The following TBL2 variants were observed in gnomAD, a reference collection of about 807,000 sequenced individuals.
The protein encoded by TBL2 is transducin beta like 2.
In TBL2, 33 loss-of-function variants were observed where a neutral mutation model predicts 41.8. That is an observed-to-expected ratio of 0.79 (90% CI 0.60 to 1.06). TBL2 has a LOEUF of 1.06. Ranked by LOEUF, TBL2 falls within the 50% of genes least tolerant of loss-of-function variation. TBL2 has a pLI of 0.00. For synonymous variants in TBL2, 239 were observed against 241.7 expected, an observed-to-expected ratio of 0.99 and a Z score of 0.10; for missense variants, 522 against 603.8, an observed-to-expected ratio of 0.86 and a Z score of 1.42.
chr7:73,574,723 C>T, intron 1 of TBL2: 1 of 648,408 alleles, frequency 1.5e-6, no homozygotes, highest in South Asian at 1.8e-5. Context: ...TGCTTTGGAT[C>T]ATTTGAGCCC....
chr7:73,573,267 C>T, intron 4 of TBL2, 53 bp downstream of exon 4: 1 of 1,602,912 alleles, frequency 6.2e-7, no homozygotes, highest in Non-Finnish European at 8.5e-7. Context: ...GGAAATAGAA[C>T]TGGATCTTTC....
At position 73,567,874 on chromosome 7, in the gene TBL2, A is replaced by C. The variant is rs1792710451; in HGVS notation, c.*2633T>G. On this transcript the variant is annotated 3_prime_UTR_variant, in exon 7 of 7. Transcript: ENST00000305632. ...CAAGCTCAGAGAGGTCAACGGACCTACTATCTGCTCTCCAGCTGGAACTGG... is the reference window on the plus strand; with the variant it reads ...CAAGCTCAGAGAGGTCAACGGACCTCCTATCTGCTCTCCAGCTGGAACTGG... Among the ~76,000 whole-genome samples the C allele has an allele frequency of 2.6e-5, 4 of 152,166 alleles. No homozygotes were observed. Among genetic ancestry groups the C allele is most frequent in the Admixed American group, 2.6e-4 (4 of 15,260 alleles).
chr7:73,573,902 C>T (rs1793126613), intron 3 of TBL2, 36 bp downstream of exon 3: 1 of 1,606,582 alleles, frequency 6.2e-7, no homozygotes, highest in Admixed American at 1.7e-5. Flanking sequence ...GGGACTAGGC[C>T]TCTGCAGGCA....
rs954128876 is a variant in TBL2, at chr7:73,567,597, A to G, written c.*2910T>C. 4.6e-5 allele frequency among the ~76,000 whole-genome samples: 7 copies of G among 152,184 alleles called. No homozygotes were observed. The highest frequency in any genetic ancestry group is 8.8e-5 in the Non-Finnish European group (6 of 68,034). On this transcript the variant is annotated 3_prime_UTR_variant, in exon 7 of 7. Transcript: ENST00000305632. ...TTTCACACCCACAGATGTTGAAATT[A>G]TAATATTAAGATACAATTACTGCCT...
chr7:73,576,099 A>G (rs1209918502), intron 1 of TBL2, among the ~76,000 whole-genome samples: 1 of 151,280 alleles, frequency 6.6e-6, no homozygotes, highest in Non-Finnish European at 1.5e-5. Context: ...CTACAAAGTG[A>G]CAAGCAAAAG....
At chr7:73,574,731 C>A in intron 1 of TBL2, 1 of 635,044 alleles carries the variant, frequency 1.6e-6, no homozygotes. Flanking sequence ...ATCATTTGAG[C>A]CCAGGAGTTC....
chr7:73,568,093 T>C lies in TBL2; in HGVS notation c.*2414A>G, dbSNP rs1792717293. 6.6e-6 allele frequency among the ~76,000 whole-genome samples: 1 copy of C among 152,174 alleles called. No individual in the cohort carries two copies. Among genetic ancestry groups the C allele is most frequent in the Admixed American group, 6.6e-5 (1 of 15,258 alleles). The stretch of plus-strand genomic sequence containing the variant: ...CACAGCATTGCCAAAAGTCTGTGGT[T>C]AGGAACATACAAAACCACAATGGAG... On this transcript the variant is annotated 3_prime_UTR_variant, in exon 7 of 7. Coordinates refer to ENST00000305632, the MANE Select transcript of TBL2 (RefSeq NM_012453.4).
chr7:73,577,264 C>CAAAA (rs34760825), intron 1 of TBL2, among the ~76,000 whole-genome samples: 5 of 98,116 alleles, frequency 5.1e-5, no homozygotes, highest in Admixed American at 3.5e-4. Flanking sequence ...CGTCCCCCTG[C>CAAAA]AAAAAAAAAA....
At position 73,567,799 on chromosome 7, in the gene TBL2, A is replaced by G. The variant is rs1306399623; in HGVS notation, c.*2708T>C. ...TTTTCTCGTCTCACTGAAACACAACATGGCAAGGTGGGTAGCACAGGATTC... is the reference window on the plus strand; with the variant it reads ...TTTTCTCGTCTCACTGAAACACAACGTGGCAAGGTGGGTAGCACAGGATTC... On this transcript the variant is annotated 3_prime_UTR_variant, in exon 7 of 7. Transcript: ENST00000305632. Among the ~76,000 whole-genome samples, 1 of 152,276 alleles carries G rather than the reference A, an allele frequency of 6.6e-6. No homozygotes were observed. The highest frequency in any genetic ancestry group is 1.9e-4 in the East Asian group (1 of 5,190).
At position 73,567,723 on chromosome 7, in the gene TBL2, G is replaced by A. The variant is rs1350650295; in HGVS notation, c.*2784C>T. ...CTCTGTGGTTACAAGAGAAGCTTGA[G>A]TGAGGGCACTTTCTGTCCTCAGAAG... On this transcript the variant is annotated 3_prime_UTR_variant, in exon 7 of 7. Transcript: ENST00000305632. Among the ~76,000 whole-genome samples, 1 of 152,152 alleles carries A rather than the reference G, an allele frequency of 6.6e-6. No homozygotes were observed. The highest frequency in any genetic ancestry group is 2.4e-5 in the African/African-American group (1 of 41,430).
rs1316474446 is a variant in TBL2 at position 73,570,076 on chromosome 7, T to C, written c.*431A>G. On this transcript the variant is annotated 3_prime_UTR_variant, in exon 7 of 7. Coordinates refer to ENST00000305632, the MANE Select transcript of TBL2 (RefSeq NM_012453.4). ...TTTTTGATGGAACACAGTTCTGTGA[T>C]GGGAAGCTATCCCAGTCTCCCATCC... 6.2e-6 allele frequency: 1 copy of C among 160,818 alleles called. No homozygotes were observed. Among genetic ancestry groups the C allele is most frequent in the Non-Finnish European group, 1.4e-5 (1 of 73,616 alleles). The allele number at this position is 160,818 out of a possible 1,614,324, so 10.0% of individuals were successfully genotyped here.
intron 4 of TBL2, 166 bp from the exon 5 acceptor site, chr7:73,573,136 TC>T: frequency 1.5e-6 from 2 of 1,363,416 alleles, no homozygotes; most frequent in Non-Finnish European, 2.0e-6. Flanking sequence ...TTCCCCACCT[TC>T]CCTAGGGACC....
In TBL2 at chr7:73,570,862, G is replaced by A. The variant is rs1554587334; in HGVS notation, c.989C>T (p.Ala330Val). ...LLKTGRFEEA[A>V]GAAPCRLALS... ...GGCCAGGCGGCACGGCGCGGCACCC[G>A]CCGCCTCTTCAAAGCGGCCTGTCTT... The change falls in exon 7 of 7, where the codon GCG (alanine) becomes GTG (valine). Residue 330 changes from alanine to valine, a missense_variant. Ala to Val is a moderately conservative substitution (Grantham distance 64). Coordinates refer to ENST00000305632, the MANE Select transcript of TBL2 (RefSeq NM_012453.4). The A allele has an allele frequency of 6.2e-6, 10 of 1,613,648 alleles. No homozygotes were observed. The highest frequency in any genetic ancestry group is 1.1e-5 in the South Asian group (1 of 91,076).
At chr7:73,576,682 A>G in intron 1 of TBL2, 1 of 456,612 alleles carries the variant, frequency 2.2e-6, no homozygotes, top group Non-Finnish European at 4.4e-6. Context: ...CAATTCCAAC[A>G]GGAAAAAAGC....
rs1196876494 is a variant in TBL2, at chr7:73,578,539, G to T, written c.11C>A (p.Ser4Ter). The T allele has an allele frequency of 1.3e-6, 2 of 1,591,458 alleles. No individual in the cohort carries two copies. The highest frequency in any genetic ancestry group is 2.4e-5 in the East Asian group (1 of 42,346). The change falls in exon 1 of 7, where the codon TCG (serine) becomes TAG (stop). Residue 4 changes from serine to a stop codon, truncating the protein, a stop_gained. Coordinates refer to ENST00000305632, the MANE Select transcript of TBL2 (RefSeq NM_012453.4). LOFTEE classifies it high-confidence loss of function. The part of the protein sequence containing the change: MEL[S>*]QMSELMGLSV... ...CAGCCCCATGAGCTCCGACATCTGC[G>T]AGAGCTCCATGTTGGTGGAACCACT...
chr7:73,576,078 GGATGA>G (rs1213085464), intron 1 of TBL2, among the ~76,000 whole-genome samples: 1 of 151,356 alleles, frequency 6.6e-6, no homozygotes, highest in Non-Finnish European at 1.5e-5. Context: ...AGATTGAATT[GGATGA>G]GATATCTACA....
At chr7:73,571,006 C>T (rs782377163) in intron 6 of TBL2, 34 bp from the exon 7 acceptor site, 1 of 1,574,758 alleles carries the variant, frequency 6.4e-7, no homozygotes, top group Non-Finnish European at 8.6e-7. Context: ...CAAGCCCCAA[C>T]ACACCCTGGC....
In TBL2 at chr7:73,568,460, C is replaced by A. The variant is rs1348292740; in HGVS notation, c.*2047G>T. On this transcript the variant is annotated 3_prime_UTR_variant, in exon 7 of 7. Coordinates refer to ENST00000305632, the MANE Select transcript of TBL2 (RefSeq NM_012453.4). ...TAGCAGCCACCCCCCATCCTGCAGG[C>A]AGGACACAAGCCCGCCCTCCAGCTC... 3.3e-5 allele frequency among the ~76,000 whole-genome samples: 5 copies of A among 152,202 alleles called. No homozygotes were observed. The highest frequency in any genetic ancestry group is 7.3e-5 in the Non-Finnish European group (5 of 68,034).
rs543937557 is a variant in TBL2 at position 73,573,189 on chromosome 7, G to A, written c.598+131C>T. 3,844 of 1,443,556 alleles carry A rather than the reference G, an allele frequency of 2.7e-3. 7 individuals carry two copies. Among genetic ancestry groups the A allele is most frequent in the Non-Finnish European group, 3.0e-3 (3,167 of 1,060,878 alleles). 89.4% of individuals were successfully genotyped at this position (1,443,556 alleles called of 1,614,324 possible). On this transcript the variant is annotated intron_variant, in intron 4 of 6. Coordinates refer to ENST00000305632, the MANE Select transcript of TBL2 (RefSeq NM_012453.4). ...CTCCAGGGGAGCACAGAGCCAGGCT[G>A]TTCAGAGCCAGGGACCCCTTGTTCC...
Sources: allele counts gnomAD v4.1 joint callset (sites outside exome capture counted in the v4.1 genomes callset), GRCh38; gene constraint gnomAD v4.1.1; transcripts MANE v1.5; gene names NCBI Gene and HGNC (gene_info 2026-07-23, HGNC 2026-07-21).